Variants in CLSTN2 observed in about 807,000 individuals in gnomAD.
CLSTN2 encodes calsyntenin-2.
A neutral mutation model predicts 101.2 loss-of-function variants in CLSTN2; 48 were observed. The observed-to-expected ratio is 0.47, with a 90% CI of 0.38 to 0.60. The LOEUF is 0.60. Ranked by LOEUF, CLSTN2 falls within the 20% of genes least tolerant of loss-of-function variation. CLSTN2 has a pLI of 0.00. For missense variants in CLSTN2, 1,160 were observed against 1,238.2 expected (o/e 0.94, Z 0.95); for synonymous variants, 481 against 463.6 (o/e 1.04, Z -0.48).
chr3:140,027,178 C>A (rs1384550630), intron 1 of CLSTN2, among the ~76,000 whole-genome samples: 2 of 152,212 alleles, frequency 1.3e-5, no homozygotes, highest in Non-Finnish European at 2.9e-5. Context: ...AATGGCTTTG[C>A]TTTAGATACT....
At chr3:140,449,718 GT>G (rs1933194524) in intron 6 of CLSTN2, 1 of 152,288 alleles carries the variant, frequency 6.6e-6, no homozygotes, top group Admixed American at 6.5e-5. Flanking sequence ...AGCTGTCTTG[GT>G]TCTATGTACC....
At chr3:140,071,557 C>T (rs180704325) in intron 1 of CLSTN2, among the ~76,000 whole-genome samples, 19 of 152,196 alleles carry the variant, frequency 1.2e-4, no homozygotes, top group Admixed American at 9.2e-4. Context: ...AAAGGCCGGG[C>T]GCAGTGGCTC....
At chr3:140,044,313 T>C (rs970759472) in intron 1 of CLSTN2, among the ~76,000 whole-genome samples, 1 of 152,238 alleles carries the variant, frequency 6.6e-6, no homozygotes, top group African/African-American at 2.4e-5. Flanking sequence ...AGTTCACTCA[T>C]GATTTGGCTC....
In CLSTN2 at chr3:140,121,885, G is replaced by T. The variant is rs372480895; in HGVS notation, c.110-54066G>T. 3.9e-5 allele frequency among the ~76,000 whole-genome samples: 6 copies of T among 152,260 alleles called. No individual in the cohort carries two copies. In the South Asian group the frequency reaches 1.2e-3, roughly 32 times the overall value. Reference sequence around the variant, plus strand: ...GACTACGCTGCCAACACAGGAACAGGCAAACACAGGCAGGATCTGGCTTGA... The same window carrying T: ...GACTACGCTGCCAACACAGGAACAGTCAAACACAGGCAGGATCTGGCTTGA... On this transcript the variant is annotated intron_variant, in intron 1 of 16. Coordinates refer to ENST00000458420, the MANE Select transcript of CLSTN2 (RefSeq NM_022131.3).
chr3:140,281,962 C>T (rs762734105), intron 2 of CLSTN2, among the ~76,000 whole-genome samples: 2 of 152,092 alleles, frequency 1.3e-5, no homozygotes, highest in Non-Finnish European at 2.9e-5. Flanking sequence ...CAATTGGCCA[C>T]ACTAATCCCA....
At chr3:140,468,211 T>A (rs1235071043) in intron 8 of CLSTN2, among the ~76,000 whole-genome samples, 1 of 152,266 alleles carries the variant, frequency 6.6e-6, no homozygotes, top group Non-Finnish European at 1.5e-5. Flanking sequence ...AAGTGCCATA[T>A]GGCTTTTATG....
At chr3:139,949,426 C>T (rs1158565301) in intron 1 of CLSTN2, among the ~76,000 whole-genome samples, 1 of 152,138 alleles carries the variant, frequency 6.6e-6, no homozygotes, top group Non-Finnish European at 1.5e-5. Context: ...CACATAAGGG[C>T]TGGCAGAGCA....
intron 1 of CLSTN2, among the ~76,000 whole-genome samples, chr3:139,941,210 C>A (rs918122220): frequency 1.3e-5 from 2 of 151,954 alleles, no homozygotes; most frequent in Non-Finnish European, 2.9e-5. Flanking sequence ...TGAGGGTAGA[C>A]CATGGGGAGG....
intron 2 of CLSTN2, among the ~76,000 whole-genome samples, chr3:140,232,708 T>C (rs2086380997): frequency 6.6e-6 from 1 of 152,182 alleles, no homozygotes; most frequent in Non-Finnish European, 1.5e-5. Flanking sequence ...TACCCCCTTA[T>C]TGTATTTAAT....
chr3:140,053,308 T>A (rs1277111785), intron 1 of CLSTN2, among the ~76,000 whole-genome samples: 2 of 152,186 alleles, frequency 1.3e-5, no homozygotes, highest in African/African-American at 4.8e-5. Context: ...GATGATGTAA[T>A]TGAATTTGTA....
intron 1 of CLSTN2, among the ~76,000 whole-genome samples, chr3:140,135,113 CACACATATATATATATATATAT>C (rs1235587886): frequency 4.0e-4 from 21 of 52,084 alleles, no homozygotes; most frequent in African/African-American, 2.2e-3. Flanking sequence ...CACACACACA[CACACATATATATATATATATAT>C]ATATATATAT....
chr3:140,404,033 G>A (rs2088275817), intron 3 of CLSTN2, among the ~76,000 whole-genome samples: 1 of 152,154 alleles, frequency 6.6e-6, no homozygotes, highest in Admixed American at 6.5e-5. Flanking sequence ...TTCTTCACTG[G>A]AAGACACTCT....
intron 5 of CLSTN2, 63 bp downstream of exon 5, chr3:140,421,337 C>T: frequency 6.3e-7 from 1 of 1,575,144 alleles, no homozygotes; most frequent in Non-Finnish European, 8.7e-7. Context: ...AGGTGGTGTA[C>T]TTGTCCTCAA....
intron 1 of CLSTN2, among the ~76,000 whole-genome samples, chr3:140,084,051 G>A (rs944709032): frequency 1.3e-5 from 2 of 152,170 alleles, no homozygotes; most frequent in African/African-American, 4.8e-5. Context: ...AAAAGTAGTA[G>A]GTCCTCTTAA....
chr3:140,236,014 A>G (rs1460077541), intron 2 of CLSTN2, among the ~76,000 whole-genome samples: 1 of 152,106 alleles, frequency 6.6e-6, no homozygotes, highest in Admixed American at 6.6e-5. Flanking sequence ...CCTGCAACTC[A>G]TTCTGTGTCC....
chr3:140,212,870 C>T (rs1161804152), intron 2 of CLSTN2, among the ~76,000 whole-genome samples: 3 of 152,208 alleles, frequency 2.0e-5, no homozygotes, highest in African/African-American at 7.2e-5. Flanking sequence ...AGCTGTGTGC[C>T]CCCTCACAGT....
chr3:140,037,348 C>T (rs1310063320), intron 1 of CLSTN2, among the ~76,000 whole-genome samples: 1 of 151,938 alleles, frequency 6.6e-6, no homozygotes, highest in Non-Finnish European at 1.5e-5. Flanking sequence ...CCTCTTTTTT[C>T]CCCTAATCAA....
At chr3:140,349,597 G>C (rs2087584737) in intron 2 of CLSTN2, among the ~76,000 whole-genome samples, 1 of 152,164 alleles carries the variant, frequency 6.6e-6, no homozygotes, top group Non-Finnish European at 1.5e-5. Flanking sequence ...TATTGGGTGT[G>C]GTATGAGGGG....
intron 2 of CLSTN2, among the ~76,000 whole-genome samples, chr3:140,221,542 G>C (rs1300955516): frequency 3.3e-5 from 5 of 152,144 alleles, no homozygotes; most frequent in African/African-American, 1.2e-4. Context: ...AAAGTGAAGA[G>C]AGCCCACAGA....
Sources: allele counts gnomAD v4.1 joint callset (sites outside exome capture counted in the v4.1 genomes callset), GRCh38; gene constraint gnomAD v4.1.1; transcripts MANE v1.5; gene names NCBI Gene and HGNC (gene_info 2026-07-23, HGNC 2026-07-21).